Variants in MSRA observed in about 807,000 individuals in gnomAD.
The protein encoded by MSRA is methionine sulfoxide reductase A, also known as mitochondrial peptide methionine sulfoxide reductase.
MSRA carries 54 observed loss-of-function variants against 31.3 expected under a neutral mutation model. The ratio of observed to expected loss-of-function variants is 1.73; its 90% CI spans 1.39 to 2.17. The LOEUF is 2.17. Ranked by LOEUF, MSRA falls within the 30% of genes most tolerant of loss-of-function variation. MSRA has a pLI of 0.00. For synonymous variants in MSRA, 169 were observed against 116.5 expected (o/e 1.45, Z -2.90); for missense variants, 507 against 300.9 (o/e 1.69, Z -5.07).
intron 3 of MSRA, among the ~76,000 whole-genome samples, chr8:10,271,913 G>C (rs951522764): frequency 6.6e-6 from 1 of 151,986 alleles, no homozygotes; most frequent in Non-Finnish European, 1.5e-5. Flanking sequence ...AGACAGAGTT[G>C]GTCAGGCTGG....
At chr8:10,076,795 G>C (rs1342892584) in intron 1 of MSRA, among the ~76,000 whole-genome samples, 1 of 152,102 alleles carries the variant, frequency 6.6e-6, no homozygotes, top group Non-Finnish European at 1.5e-5. Context: ...CTCCGATAGA[G>C]TGGGTAGCAT....
chr8:10,088,797 A>G (rs1798703983), intron 1 of MSRA, among the ~76,000 whole-genome samples: 2 of 152,230 alleles, frequency 1.3e-5, no homozygotes, highest in South Asian at 2.1e-4. Context: ...ACAATGGAAT[A>G]CTAGCCTTAA....
chr8:10,237,319 G>A (rs899264723), intron 2 of MSRA, among the ~76,000 whole-genome samples: 3 of 152,174 alleles, frequency 2.0e-5, no homozygotes, highest in East Asian at 1.9e-4. Flanking sequence ...TACTGTCCGG[G>A]GAAAATCACT....
intron 5 of MSRA, among the ~76,000 whole-genome samples, chr8:10,334,415 G>T (rs926871072): frequency 6.6e-6 from 1 of 152,076 alleles, no homozygotes; most frequent in African/African-American, 2.4e-5. Flanking sequence ...CGGAGTGATA[G>T]GATCAGAGAA....
At chr8:10,109,167 G>C (rs562166196) in intron 1 of MSRA, among the ~76,000 whole-genome samples, 1 of 152,160 alleles carries the variant, frequency 6.6e-6, no homozygotes, top group South Asian at 2.1e-4. Context: ...AATGCATATA[G>C]TGCCTGCCTT....
intron 5 of MSRA, chr8:10,353,903 G>T: frequency 4.2e-6 from 1 of 237,142 alleles, no homozygotes; most frequent in Non-Finnish European, 8.4e-6. Flanking sequence ...GAAGGAAAGG[G>T]CTTTAAGGAT....
At chr8:10,199,005 T>G (rs1808245565) in intron 1 of MSRA, among the ~76,000 whole-genome samples, 2 of 152,224 alleles carry the variant, frequency 1.3e-5, no homozygotes, top group Non-Finnish European at 2.9e-5. Flanking sequence ...AAAGCTAGTC[T>G]CTCTTTTGAG....
intron 3 of MSRA, among the ~76,000 whole-genome samples, chr8:10,271,600 C>T (rs984488234): frequency 6.6e-6 from 1 of 152,224 alleles, no homozygotes; most frequent in Non-Finnish European, 1.5e-5. Context: ...TGTTTTATCT[C>T]TACAAAAAAT....
intron 4 of MSRA, among the ~76,000 whole-genome samples, chr8:10,317,407 T>G (rs1801788221): frequency 6.6e-6 from 1 of 152,218 alleles, no homozygotes; most frequent in Non-Finnish European, 1.5e-5. Flanking sequence ...TTATGCTTCA[T>G]TATAGATGAA....
At position 10,392,773 on chromosome 8, in the gene MSRA, G is replaced by T. The variant is rs187654605; in HGVS notation, c.544-35375G>T. ...TACTAAAAAAAATGTTCAGCCAGGC[G>T]TGGTGGCTCACGCCTGTAATCCCAG... On this transcript the variant is annotated intron_variant, in intron 5 of 5. Coordinates refer to ENST00000317173, the MANE Select transcript of MSRA (RefSeq NM_012331.5). Among the ~76,000 whole-genome samples the T allele has an allele frequency of 3.5e-3, 533 of 150,988 alleles. 3 individuals are homozygous for T. Among genetic ancestry groups the T allele is most frequent in the African/African-American group, 0.012 (504 of 41,050 alleles).
intron 3 of MSRA, among the ~76,000 whole-genome samples, chr8:10,247,337 A>G (rs534850214): frequency 2.6e-5 from 4 of 152,260 alleles, no homozygotes; most frequent in Non-Finnish European, 4.4e-5. Flanking sequence ...CTCAAAGTCT[A>G]TGCCATTGAC....
At chr8:10,107,299 A>G (rs978636791) in intron 1 of MSRA, among the ~76,000 whole-genome samples, 1 of 151,580 alleles carries the variant, frequency 6.6e-6, no homozygotes. Context: ...TAAGTATAGC[A>G]CTCTGAAAAA....
chr8:10,321,794 T>A (rs1802057424), intron 5 of MSRA, among the ~76,000 whole-genome samples: 1 of 152,158 alleles, frequency 6.6e-6, no homozygotes, highest in African/African-American at 2.4e-5. Flanking sequence ...GTGAGTGAGC[T>A]TCGAATCCCC....
chr8:10,118,229 G>T (rs1175227674), intron 1 of MSRA, among the ~76,000 whole-genome samples: 4 of 152,128 alleles, frequency 2.6e-5, no homozygotes, highest in Non-Finnish European at 5.9e-5. Context: ...TCAGTCACTG[G>T]AGTATATCCT....
chr8:10,064,095 A>G (rs1486153157), intron 1 of MSRA, among the ~76,000 whole-genome samples: 4 of 152,120 alleles, frequency 2.6e-5, no homozygotes, highest in Non-Finnish European at 4.4e-5. Context: ...GCTTGGTGGT[A>G]GTCATTTCCC....
intron 5 of MSRA, among the ~76,000 whole-genome samples, chr8:10,391,451 T>C (rs1806741388): frequency 6.6e-6 from 1 of 152,198 alleles, no homozygotes; most frequent in Non-Finnish European, 1.5e-5. Flanking sequence ...CTGTGGTGAG[T>C]ATCTGTGGCA....
At chr8:10,418,848 A>G (rs1808640312) in intron 5 of MSRA, among the ~76,000 whole-genome samples, 1 of 150,590 alleles carries the variant, frequency 6.6e-6, no homozygotes, top group African/African-American at 2.4e-5. Flanking sequence ...ACCAACAAAA[A>G]AAAAAAACAC....
At chr8:10,173,910 G>A (rs1267602419) in intron 1 of MSRA, among the ~76,000 whole-genome samples, 1 of 152,202 alleles carries the variant, frequency 6.6e-6, no homozygotes, top group African/African-American at 2.4e-5. Flanking sequence ...GAGGACCTGG[G>A]CTAATGGTCC....
At chr8:10,158,402 G>A (rs759772217) in intron 1 of MSRA, among the ~76,000 whole-genome samples, 5 of 152,122 alleles carry the variant, frequency 3.3e-5, no homozygotes, top group East Asian at 3.9e-4. Context: ...CCCAGCTATC[G>A]GCACAATAAT....
Sources: allele counts gnomAD v4.1 joint callset (sites outside exome capture counted in the v4.1 genomes callset), GRCh38; gene constraint gnomAD v4.1.1; transcripts MANE v1.5; gene names NCBI Gene and HGNC (gene_info 2026-07-23, HGNC 2026-07-21).